Variants in LRRIQ3 observed in about 807,000 individuals in gnomAD.
LRRIQ3 encodes the protein leucine-rich repeat and IQ domain-containing protein 3.
Under a neutral mutation model 59.3 loss-of-function variants are expected in LRRIQ3, and 75 were observed. That is an observed-to-expected ratio of 1.26 (90% CI 1.05 to 1.53). The LOEUF is 1.53. Ranked by LOEUF, LRRIQ3 falls within the 40% of genes most tolerant of loss-of-function variation. LRRIQ3 has a pLI of 0.00. For synonymous variants in LRRIQ3, 250 were observed against 231.3 expected, an observed-to-expected ratio of 1.08 and a Z score of -0.73; for missense variants, 831 against 710.0, an observed-to-expected ratio of 1.17 and a Z score of -1.94.
At chr1:74,159,172 C>A (rs896435276) in intron 3 of LRRIQ3, among the ~76,000 whole-genome samples, 1 of 152,090 alleles carries the variant, frequency 6.6e-6, no homozygotes, top group Non-Finnish European at 1.5e-5. Context: ...GAACATTCTC[C>A]ACATTGTAAT....
intron 3 of LRRIQ3, among the ~76,000 whole-genome samples, chr1:74,168,203 A>G (rs141918469): frequency 1.3e-3 from 196 of 152,138 alleles, no homozygotes; most frequent in African/African-American, 4.6e-3. Flanking sequence ...ATCTCCAACT[A>G]TATTTGTAGA....
At chr1:74,116,760 G>C (rs1189041265) in intron 4 of LRRIQ3, among the ~76,000 whole-genome samples, 1 of 151,886 alleles carries the variant, frequency 6.6e-6, no homozygotes, top group Non-Finnish European at 1.5e-5. Context: ...TATCTGCAAA[G>C]AGCTTTAAAT....
At chr1:74,184,216 G>A (rs1253169398) in intron 1 of LRRIQ3, among the ~76,000 whole-genome samples, 1 of 152,006 alleles carries the variant, frequency 6.6e-6, no homozygotes, top group East Asian at 1.9e-4. Flanking sequence ...GAGAAAATTT[G>A]TTGTCAAAAT....
chr1:74,037,001 C>T (rs1330817530), intron 7 of LRRIQ3, among the ~76,000 whole-genome samples: 2 of 152,080 alleles, frequency 1.3e-5, no homozygotes, highest in African/African-American at 4.8e-5. Flanking sequence ...AAAAAATATA[C>T]ATTGCTTCTT....
chr1:74,111,019 C>T (rs1193851097), intron 4 of LRRIQ3, among the ~76,000 whole-genome samples: 1 of 151,988 alleles, frequency 6.6e-6, no homozygotes. Flanking sequence ...CGAAGTTGTA[C>T]TCATTACTTC....
chr1:74,155,421 T>G (rs1648259082), intron 4 of LRRIQ3, among the ~76,000 whole-genome samples: 3 of 152,222 alleles, frequency 2.0e-5, no homozygotes, highest in Admixed American at 2.0e-4. Flanking sequence ...TATTCGCATC[T>G]AAATAAAATA....
chr1:74,066,187 GA>G (rs71772871), intron 6 of LRRIQ3, among the ~76,000 whole-genome samples: 66,587 of 119,658 alleles, frequency 0.56, 16,379 homozygotes, highest in East Asian at 0.81. Context: ...ACTCTGTCTC[GA>G]AAAAAAAAAA....
chr1:74,076,383 G>A (rs564825663), intron 5 of LRRIQ3, among the ~76,000 whole-genome samples: 1 of 152,134 alleles, frequency 6.6e-6, no homozygotes, highest in South Asian at 2.1e-4. Flanking sequence ...ACCATAAACT[G>A]AGCTCTTTCA....
chr1:74,113,100 A>G (rs1313783088), intron 4 of LRRIQ3, among the ~76,000 whole-genome samples: 1 of 152,124 alleles, frequency 6.6e-6, no homozygotes, highest in Admixed American at 6.6e-5. Flanking sequence ...AGGCATGACA[A>G]CAATGCCTTT....
chr1:74,041,673 A>AT lies in LRRIQ3; in HGVS notation c.1257dup (p.Phe420IlefsTer2). 6.2e-6 allele frequency: 10 copies of AT among 1,613,706 alleles called. No homozygotes were observed. The highest frequency in any genetic ancestry group is 8.5e-6 in the Non-Finnish European group (10 of 1,179,836). On this transcript the variant is annotated frameshift_variant, in exon 7 of 8. Coordinates refer to ENST00000354431, the MANE Select transcript of LRRIQ3 (RefSeq NM_001105659.2). LOFTEE classifies it high-confidence loss of function. ...GTGTAATATTTGTCAATATCACTAA[A>AT]TGTTCGGAGTTTCATACCAGCTCTT...
chr1:74,042,398 G>C lies in LRRIQ3; in HGVS notation c.998-465C>G, dbSNP rs1275959982. 2.0e-5 allele frequency among the ~76,000 whole-genome samples: 3 copies of C among 152,078 alleles called. No individual in the cohort carries two copies. In the East Asian group the frequency reaches 5.8e-4, roughly 29 times the overall value. On this transcript the variant is annotated intron_variant, in intron 6 of 7. Transcript: ENST00000354431. ...ATAGATAGAAAATGGAAGAAATATAGAAACAGCTTGATTGGTTATGGTTCA... is the reference window on the plus strand; with the variant it reads ...ATAGATAGAAAATGGAAGAAATATACAAACAGCTTGATTGGTTATGGTTCA...
intron 6 of LRRIQ3, among the ~76,000 whole-genome samples, chr1:74,060,219 TTGTTCTTCTTCTTCTTCTTCTTC>T (rs1451454100): frequency 1.1e-3 from 14 of 12,264 alleles, no homozygotes; most frequent in Non-Finnish European, 7.7e-3. Flanking sequence ...CTTCTTCTTC[TTGTTCTTCTTCTTCTTCTTCTTC>T]TTCTTCTTCT....
At chr1:74,191,971 T>C (rs2100743773) in intron 1 of LRRIQ3, among the ~76,000 whole-genome samples, 1 of 152,190 alleles carries the variant, frequency 6.6e-6, no homozygotes, top group East Asian at 1.9e-4. Flanking sequence ...TCAAATATTC[T>C]GGGAGGAGGG....
At chr1:74,157,100 T>G (rs2100671164) in intron 3 of LRRIQ3, among the ~76,000 whole-genome samples, 1 of 152,258 alleles carries the variant, frequency 6.6e-6, no homozygotes, top group Non-Finnish European at 1.5e-5. Context: ...ATAAACTTAT[T>G]TCCTTGGCTC....
rs773802975 is a variant in LRRIQ3 at position 74,079,074 on chromosome 1, CA to C, written c.868-4285del. Among the ~76,000 whole-genome samples, 22 of 151,878 alleles carry C rather than the reference CA, an allele frequency of 1.4e-4. No homozygotes were observed. In the South Asian group the frequency reaches 3.9e-3, roughly 27 times the overall value. ...ATAATTGTCTATTTCTGGTCAATCA[CA>C]AATGCCTCTTATTGGACTCTGCCTT... On this transcript the variant is annotated intron_variant, in intron 5 of 7. Coordinates refer to ENST00000354431, the MANE Select transcript of LRRIQ3 (RefSeq NM_001105659.2).
chr1:74,152,799 A>T (rs921456735), intron 4 of LRRIQ3, among the ~76,000 whole-genome samples: 1 of 152,152 alleles, frequency 6.6e-6, no homozygotes, highest in Non-Finnish European at 1.5e-5. Flanking sequence ...TTGTTAGAAA[A>T]GTAAAAGGAG....
chr1:74,179,177 A>C (rs1457087204), intron 3 of LRRIQ3, among the ~76,000 whole-genome samples: 1 of 152,026 alleles, frequency 6.6e-6, no homozygotes, highest in Non-Finnish European at 1.5e-5. Context: ...CAAAATATAA[A>C]TATATATCCT....
intron 4 of LRRIQ3, among the ~76,000 whole-genome samples, chr1:74,147,414 T>C (rs558473746): frequency 4.2e-4 from 64 of 152,276 alleles, no homozygotes; most frequent in South Asian, 3.7e-3. Flanking sequence ...TCATGATAAA[T>C]AAAAACATTT....
intron 3 of LRRIQ3, among the ~76,000 whole-genome samples, chr1:74,164,333 A>G (rs1423070106): frequency 2.0e-5 from 3 of 151,456 alleles, no homozygotes; most frequent in Non-Finnish European, 4.4e-5. Context: ...GTGGGCTCTA[A>G]TACAATATGA....
Sources: allele counts gnomAD v4.1 joint callset (sites outside exome capture counted in the v4.1 genomes callset), GRCh38; gene constraint gnomAD v4.1.1; transcripts MANE v1.5; gene names NCBI Gene and HGNC (gene_info 2026-07-23, HGNC 2026-07-21).